The following RYR2 variants were observed in gnomAD, a reference collection of about 807,000 sequenced individuals.
The protein encoded by RYR2 is cardiac muscle ryanodine receptor-calcium release channel.
A neutral mutation model predicts 601.1 loss-of-function variants in RYR2; 227 were observed. The ratio of observed to expected loss-of-function variants is 0.38; its 90% CI spans 0.34 to 0.42. The LOEUF (loss-of-function observed/expected upper bound fraction) is 0.42, where lower values mean the gene tolerates loss of function less well. Ranked by LOEUF, RYR2 falls within the 10% of genes least tolerant of loss-of-function variation. The pLI, the probability that RYR2 is intolerant of heterozygous loss-of-function variation, is 1.00. For missense variants in RYR2, 4,646 were observed against 6,156.5 expected, an observed-to-expected ratio of 0.75 and a Z score of 8.21; for synonymous variants, 2,223 against 2,175.1, an observed-to-expected ratio of 1.02 and a Z score of -0.61.
intron 56 of RYR2, among the ~76,000 whole-genome samples, chr1:237,663,361 C>A (rs1039237979): frequency 6.6e-6 from 1 of 152,150 alleles, no homozygotes; most frequent in African/African-American, 2.4e-5. Flanking sequence ...TTTATAGCAT[C>A]ATTTTATAAA....
At chr1:237,374,014 T>G (rs1043300982) in intron 6 of RYR2, among the ~76,000 whole-genome samples, 2 of 152,222 alleles carry the variant, frequency 1.3e-5, no homozygotes, top group Admixed American at 6.5e-5. Context: ...CTTCCTGTAC[T>G]GACAGAGAAC....
chr1:237,193,477 T>A (rs1239003119), intron 1 of RYR2, among the ~76,000 whole-genome samples: 1 of 151,920 alleles, frequency 6.6e-6, no homozygotes, highest in Non-Finnish European at 1.5e-5. Flanking sequence ...AACAAAAATA[T>A]CTTGAATGCT....
chr1:237,136,776 G>C (rs1390162646), intron 1 of RYR2, among the ~76,000 whole-genome samples: 1 of 152,148 alleles, frequency 6.6e-6, no homozygotes, highest in Non-Finnish European at 1.5e-5. Flanking sequence ...AGCACTTTGG[G>C]AGGCCGAAGC....
At position 237,141,552 on chromosome 1, in the gene RYR2, A is replaced by G. The variant is rs563967217; in HGVS notation, c.48+98983A>G. 1.1e-4 allele frequency among the ~76,000 whole-genome samples: 17 copies of G among 152,260 alleles called. No homozygotes were observed. In the South Asian group the frequency reaches 3.5e-3, roughly 32 times the overall value. Reference sequence around the variant, plus strand: ...GTTAAGAGAAAAACTGGGGAGTATAATGCCTCCCCTGGTTCCCCAACTGGG... The same window carrying G: ...GTTAAGAGAAAAACTGGGGAGTATAGTGCCTCCCCTGGTTCCCCAACTGGG... On this transcript the variant is annotated intron_variant, in intron 1 of 104. Coordinates refer to ENST00000366574, the MANE Select transcript of RYR2 (RefSeq NM_001035.3).
chr1:237,807,291 G>A (rs1660736551), intron 99 of RYR2, among the ~76,000 whole-genome samples: 1 of 152,160 alleles, frequency 6.6e-6, no homozygotes, highest in African/African-American at 2.4e-5. Flanking sequence ...TACATAAAAG[G>A]TCCGGCACTA....
At chr1:237,330,170 C>T (rs567914810) in intron 2 of RYR2, among the ~76,000 whole-genome samples, 7 of 152,232 alleles carry the variant, frequency 4.6e-5, no homozygotes, top group African/African-American at 1.7e-4. Context: ...TAATCCTTAG[C>T]GTGAAAATTT....
chr1:237,688,834 T>C (rs1160880099), intron 63 of RYR2, among the ~76,000 whole-genome samples: 1 of 152,232 alleles, frequency 6.6e-6, no homozygotes, highest in Non-Finnish European at 1.5e-5. Context: ...TGCGGTCTTA[T>C]TAATGAGCAT....
At chr1:237,704,816 A>T (rs575137072) in intron 66 of RYR2, among the ~76,000 whole-genome samples, 2 of 152,248 alleles carry the variant, frequency 1.3e-5, no homozygotes, top group East Asian at 3.9e-4. Context: ...ACTTTTTCTA[A>T]AATATCTACA....
chr1:237,759,662 G>A (rs377532535), intron 82 of RYR2, 114 bp from the exon 83 acceptor site: 9 of 736,174 alleles, frequency 1.2e-5, no homozygotes, highest in African/African-American at 3.5e-5. Context: ...ATGTTTGTAC[G>A]CAGTGAATAT....
At chr1:237,801,240 G>A (rs999083484) in intron 97 of RYR2, among the ~76,000 whole-genome samples, 1 of 152,002 alleles carries the variant, frequency 6.6e-6, no homozygotes, top group Non-Finnish European at 1.5e-5. Context: ...AGGAATAAAT[G>A]TTATATGTAG....
intron 2 of RYR2, among the ~76,000 whole-genome samples, chr1:237,312,378 T>C (rs932718679): frequency 6.6e-6 from 1 of 152,232 alleles, no homozygotes; most frequent in South Asian, 2.1e-4. Context: ...GACTTTACTG[T>C]GGACTGTCTT....
intron 25 of RYR2, among the ~76,000 whole-genome samples, chr1:237,546,283 C>G (rs1669794572): frequency 6.6e-6 from 1 of 152,060 alleles, no homozygotes; most frequent in South Asian, 2.1e-4. Context: ...GTAATTTGTC[C>G]TAATTGTTAT....
intron 38 of RYR2, among the ~76,000 whole-genome samples, chr1:237,620,722 G>A (rs1426926185): frequency 6.6e-6 from 1 of 151,930 alleles, no homozygotes; most frequent in Non-Finnish European, 1.5e-5. Flanking sequence ...ATAATGGTCA[G>A]TCCACCAAGA....
rs181862719 is a variant in RYR2, at chr1:237,260,696, C to T, written c.49-9801C>T. 1.5e-3 allele frequency among the ~76,000 whole-genome samples: 234 copies of T among 152,256 alleles called. 1 individual carries two copies. The highest frequency in any genetic ancestry group is 4.9e-3 in the African/African-American group (202 of 41,542). On this transcript the variant is annotated intron_variant, in intron 1 of 104. Coordinates refer to ENST00000366574, the MANE Select transcript of RYR2 (RefSeq NM_001035.3). The stretch of plus-strand genomic sequence containing the variant: ...AAAATAAAATAAAATAAATAAAACA[C>T]GTTAATTCTCAATGTTTCCAGTCTT...
At chr1:237,595,296 G>T (rs1010226765) in intron 33 of RYR2, among the ~76,000 whole-genome samples, 2 of 152,114 alleles carry the variant, frequency 1.3e-5, no homozygotes, top group Non-Finnish European at 2.9e-5. Context: ...GAAATGTAGA[G>T]ACTTATAAGA....
At chr1:237,585,434 C>T (rs902540058) in intron 29 of RYR2, among the ~76,000 whole-genome samples, 7 of 152,106 alleles carry the variant, frequency 4.6e-5, no homozygotes, top group South Asian at 2.1e-4. Flanking sequence ...CATTTATTGG[C>T]GACCTCTTCA....
intron 3 of RYR2, among the ~76,000 whole-genome samples, chr1:237,344,779 A>T (rs1356682531): frequency 1.3e-5 from 2 of 152,090 alleles, no homozygotes; most frequent in Non-Finnish European, 2.9e-5. Flanking sequence ...TGTCTTGATT[A>T]CTAGTAGCTT....
intron 37 of RYR2, among the ~76,000 whole-genome samples, chr1:237,616,999 C>T (rs908363507): frequency 1.3e-5 from 2 of 152,238 alleles, no homozygotes; most frequent in East Asian, 3.9e-4. Flanking sequence ...CACCCAGCCC[C>T]GCCCTTGACA....
At chr1:237,383,676 G>A (rs1263631509) in intron 8 of RYR2, among the ~76,000 whole-genome samples, 6 of 151,902 alleles carry the variant, frequency 3.9e-5, no homozygotes, top group Non-Finnish European at 2.9e-5. Flanking sequence ...TGATCTGCCC[G>A]CCTTGGCCTC....
Sources: allele counts gnomAD v4.1 joint callset (sites outside exome capture counted in the v4.1 genomes callset), GRCh38; gene constraint gnomAD v4.1.1; transcripts MANE v1.5; gene names NCBI Gene and HGNC (gene_info 2026-07-23, HGNC 2026-07-21).